The following LRRC39 variants were observed in gnomAD, a reference collection of about 807,000 sequenced individuals.
LRRC39 encodes the protein leucine rich repeat containing 39.
Under a neutral mutation model 39.7 loss-of-function variants are expected in LRRC39, and 35 were observed. The ratio of observed to expected loss-of-function variants is 0.88; its 90% confidence interval spans 0.67 to 1.17. The LOEUF is 1.17. Among genes scored for constraint, LRRC39 ranks in the 50% most tolerant of loss-of-function variants. LRRC39 has a pLI of 0.00. For synonymous variants in LRRC39, 113 were observed against 134.1 expected, an observed-to-expected ratio of 0.84 and a Z score of 1.09; for missense variants, 357 against 385.8, an observed-to-expected ratio of 0.93 and a Z score of 0.62.
At chr1:100,149,611 A>G (rs749900150) in intron 9 of LRRC39, 7 of 520,078 alleles carry the variant, frequency 1.3e-5, no homozygotes, top group Non-Finnish European at 1.3e-5. Flanking sequence ...GGCACAAACA[A>G]TAAGTATGTT....
intron 1 of LRRC39, among the ~76,000 whole-genome samples, chr1:100,175,215 T>C (rs1457865089): frequency 6.6e-6 from 1 of 152,176 alleles, no homozygotes; most frequent in Admixed American, 6.5e-5. Flanking sequence ...TTTTGTTTTT[T>C]TGAGACAGGC....
chr1:100,166,257 A>C (rs1425251299), intron 3 of LRRC39, among the ~76,000 whole-genome samples: 2 of 152,170 alleles, frequency 1.3e-5, no homozygotes, highest in East Asian at 1.9e-4. Flanking sequence ...TGGTACCGAT[A>C]GAGTGGGGCA....
At chr1:100,160,678 G>T (rs1006510287) in intron 3 of LRRC39, 107 bp from the exon 4 acceptor site, 2 of 800,136 alleles carry the variant, frequency 2.5e-6, no homozygotes, top group African/African-American at 1.8e-5. Flanking sequence ...AGGCTGGAGT[G>T]CAGTGGCCCG....
Position 100,156,335 on chromosome 1 carries a change from G to GTT in LRRC39, c.514-20_514-19dup. On this transcript the variant is annotated intron_variant, in intron 6 of 9. Coordinates refer to ENST00000370137, the MANE Select transcript of LRRC39 (RefSeq NM_144620.4). ...TTGCTGAGCTGAAGAAGAAAGCAAGGTTTTTCAAAATAAATGTCCACAATG... is the reference window on the plus strand; with the variant it reads ...TTGCTGAGCTGAAGAAGAAAGCAAGGTTTTTTTCAAAATAAATGTCCACAATG... 1.3e-6 allele frequency: 2 copies of GTT among 1,579,824 alleles called. No homozygotes were observed. The highest frequency in any genetic ancestry group is 1.7e-6 in the Non-Finnish European group (2 of 1,158,090).
chr1:100,156,767 TC>T (rs1322239783), intron 6 of LRRC39, among the ~76,000 whole-genome samples: 1 of 152,160 alleles, frequency 6.6e-6, no homozygotes, highest in Non-Finnish European at 1.5e-5. Flanking sequence ...GAGGATCACT[TC>T]AGTCCAGGAG....
At chr1:100,152,301 G>A in intron 9 of LRRC39, 84 bp downstream of exon 9, 1 of 1,294,004 alleles carries the variant, frequency 7.7e-7, no homozygotes, top group Non-Finnish European at 1.1e-6. Context: ...ATATATAAAG[G>A]AATTAATCAA....
At chr1:100,155,395 G>A (rs1658389614) in intron 7 of LRRC39, among the ~76,000 whole-genome samples, 192 bp from the exon 8 acceptor site, 1 of 152,112 alleles carries the variant, frequency 6.6e-6, no homozygotes, top group Non-Finnish European at 1.5e-5. Context: ...ACTGCACCCA[G>A]CCTTTGGTTC....
At chr1:100,168,318 T>A (rs1659383057) in intron 3 of LRRC39, 86 bp downstream of exon 3, 1 of 950,646 alleles carries the variant, frequency 1.1e-6, no homozygotes. Flanking sequence ...TCAAATTCAA[T>A]AACAAGGCAT....
At chr1:100,162,203 G>C (rs1323845779) in intron 3 of LRRC39, among the ~76,000 whole-genome samples, 1 of 152,044 alleles carries the variant, frequency 6.6e-6, no homozygotes, top group Non-Finnish European at 1.5e-5. Context: ...TTCAACTTCA[G>C]AATTCAATTT....
intron 9 of LRRC39, among the ~76,000 whole-genome samples, chr1:100,151,511 C>G (rs1429036797): frequency 6.6e-6 from 1 of 152,124 alleles, no homozygotes; most frequent in Non-Finnish European, 1.5e-5. Context: ...CTGAAAAACT[C>G]TGTCATTGTC....
chr1:100,148,807 A>G lies in LRRC39; in HGVS notation c.*235T>C. The G allele has an allele frequency of 1.3e-6, 2 of 1,505,366 alleles. No individual in the cohort carries two copies. Among genetic ancestry groups the G allele is most frequent in the South Asian group, 2.9e-5 (2 of 69,524 alleles). The allele number at this position is 1,505,366 out of a possible 1,614,324, so 93.3% of individuals were successfully genotyped here. Reference sequence around the variant, plus strand: ...TTACCAAATCATTCTTCATCACCAGAAACAACTGCTTAATGGAAAAGAAAT... The same window carrying G: ...TTACCAAATCATTCTTCATCACCAGGAACAACTGCTTAATGGAAAAGAAAT... On this transcript the variant is annotated 3_prime_UTR_variant, in exon 10 of 10. Coordinates refer to ENST00000370137, the MANE Select transcript of LRRC39 (RefSeq NM_144620.4).
chr1:100,169,426 C>G (rs756421964), intron 2 of LRRC39, among the ~76,000 whole-genome samples: 4 of 152,044 alleles, frequency 2.6e-5, no homozygotes, highest in Non-Finnish European at 4.4e-5. Context: ...TTATTATATT[C>G]TGTATGGAGA....
Position 100,159,430 on chromosome 1 carries a change from A to T in LRRC39, c.220-15T>A. 1 of 1,575,484 alleles carries T rather than the reference A, an allele frequency of 6.3e-7. No individual in the cohort carries two copies. The highest frequency in any genetic ancestry group is 2.3e-5 in the East Asian group (1 of 43,576). Reference sequence around the variant, plus strand: ...GAAGGGAGGGTCTACAGTAAAAGAAATGATGGTTGTTGTATATTACTTAAA... The same window carrying T: ...GAAGGGAGGGTCTACAGTAAAAGAATTGATGGTTGTTGTATATTACTTAAA... On this transcript the variant is annotated splice_polypyrimidine_tract_variant and intron_variant, in intron 4 of 9. Coordinates refer to ENST00000370137, the MANE Select transcript of LRRC39 (RefSeq NM_144620.4).
At chr1:100,151,792 C>T (rs529770909) in intron 9 of LRRC39, among the ~76,000 whole-genome samples, 1 of 152,102 alleles carries the variant, frequency 6.6e-6, no homozygotes, top group African/African-American at 2.4e-5. Flanking sequence ...TCTGTGTTCT[C>T]AGCCAGACGT....
intron 8 of LRRC39, among the ~76,000 whole-genome samples, chr1:100,153,842 A>G (rs564931763): frequency 1.3e-5 from 2 of 152,222 alleles, no homozygotes; most frequent in South Asian, 4.2e-4. Context: ...TGCAACCTCG[A>G]ACTCCTGGGC....
rs185542953 is a variant in LRRC39, at chr1:100,171,329, A to T, written c.-79+2002T>A. The stretch of plus-strand genomic sequence containing the variant: ...ACACATGGAAGAGTCACAGAAAAAA[A>T]ATCTCATATTGGGGTCATAGAGCAA... On this transcript the variant is annotated intron_variant, in intron 2 of 9. Transcript: ENST00000370137. Among the ~76,000 whole-genome samples the T allele has an allele frequency of 8.5e-5, 13 of 152,272 alleles. No individual in the cohort carries two copies. The East Asian group carries it at 2.5e-3, about 29-fold the overall frequency.
chr1:100,152,734 C>G (rs1332007636), intron 8 of LRRC39, among the ~76,000 whole-genome samples: 2 of 151,968 alleles, frequency 1.3e-5, no homozygotes, highest in Non-Finnish European at 2.9e-5. Context: ...AACTTACTTT[C>G]AAAGCTTATA....
intron 1 of LRRC39, among the ~76,000 whole-genome samples, chr1:100,177,064 G>T (rs1660013004): frequency 6.6e-6 from 1 of 152,106 alleles, no homozygotes; most frequent in South Asian, 2.1e-4. Context: ...CAAGAGAGAA[G>T]CTAAAAATAG....
upstream of LRRC39, among the ~76,000 whole-genome samples, chr1:100,179,262 G>A (rs1660141319): frequency 6.6e-6 from 1 of 151,918 alleles, no homozygotes; most frequent in Admixed American, 6.6e-5. Context: ...TAAGAGTTGT[G>A]GGACTGCTCA....
Sources: allele counts gnomAD v4.1 joint callset (sites outside exome capture counted in the v4.1 genomes callset), GRCh38; gene constraint gnomAD v4.1.1; transcripts MANE v1.5; gene names NCBI Gene and HGNC (gene_info 2026-07-23, HGNC 2026-07-21).